TAF15: variants seen among roughly 807,000 people sequenced by gnomAD.
TAF15 encodes the protein TATA-binding protein-associated factor 2N.
TAF15 carries 37 observed loss-of-function variants against 102.5 expected under a neutral mutation model. The ratio of observed to expected loss-of-function variants is 0.36; its 90% CI spans 0.28 to 0.47. The LOEUF (loss-of-function observed/expected upper bound fraction) is 0.47. TAF15 is among the 20% of genes least tolerant of loss of function. The pLI, the probability that TAF15 is intolerant of heterozygous loss-of-function variation, is 0.99. For synonymous variants in TAF15, 273 were observed against 259.2 expected (o/e 1.05, Z -0.51); for missense variants, 652 against 760.7 (o/e 0.86, Z 1.68).
rs548382125 is a variant in TAF15 at position 35,816,001 on chromosome 17, G to T, written c.8-1715G>T. Among the ~76,000 whole-genome samples, 5 of 151,964 alleles carry T rather than the reference G, an allele frequency of 3.3e-5. No individual in the cohort carries two copies. In the South Asian group the frequency reaches 1.0e-3, roughly 32 times the overall value. ...TTTTGAGACAGGGTCTCATTCTGTCGCTAAAGCTGGAGTGCAGTGGTGCAA... is the reference window on the plus strand; with the variant it reads ...TTTTGAGACAGGGTCTCATTCTGTCTCTAAAGCTGGAGTGCAGTGGTGCAA... On this transcript the variant is annotated intron_variant, in intron 1 of 15. Coordinates refer to ENST00000605844, the MANE Select transcript of TAF15 (RefSeq NM_139215.3).
At chr17:35,842,516 C>A in intron 12 of TAF15, 57 bp downstream of exon 12, 1 of 1,357,826 alleles carries the variant, frequency 7.4e-7, no homozygotes, top group Non-Finnish European at 1.1e-6. Context: ...AGTTTGAGTT[C>A]ATACTCTGTT....
intron 15 of TAF15, among the ~76,000 whole-genome samples, chr17:35,845,373 G>C (rs1212444639): frequency 6.6e-6 from 1 of 152,086 alleles, no homozygotes; most frequent in Non-Finnish European, 1.5e-5. Flanking sequence ...TCCTGCCTCA[G>C]TCTCCCAAGT....
At chr17:35,820,470 G>A (rs779114761) in intron 5 of TAF15, 33 bp downstream of exon 5, 4 of 1,591,938 alleles carry the variant, frequency 2.5e-6, no homozygotes, top group Admixed American at 1.7e-5. Flanking sequence ...AGATTGTTTT[G>A]GGCAGTGGAA....
chr17:35,820,900 ATAAATT>A (rs1318702766), intron 5 of TAF15, among the ~76,000 whole-genome samples: 1 of 152,182 alleles, frequency 6.6e-6, no homozygotes, highest in African/African-American at 2.4e-5. Context: ...ATATTTACTG[ATAAATT>A]TCAGGTTTTA....
At chr17:35,843,849 C>G (rs1486532101) in intron 12 of TAF15, among the ~76,000 whole-genome samples, 3 of 152,164 alleles carry the variant, frequency 2.0e-5, no homozygotes, top group African/African-American at 7.2e-5. Flanking sequence ...TTGAAGTTTT[C>G]TAGTGCATTA....
chr17:35,824,851 T>TAA (rs2087306762), intron 7 of TAF15, among the ~76,000 whole-genome samples: 1 of 152,200 alleles, frequency 6.6e-6, no homozygotes, highest in Admixed American at 6.5e-5. Context: ...TTTATTTACT[T>TAA]ACAGCATATG....
At chr17:35,826,846 C>CCA (rs1268065682) in intron 7 of TAF15, among the ~76,000 whole-genome samples, 1 of 150,894 alleles carries the variant, frequency 6.6e-6, no homozygotes, top group Non-Finnish European at 1.5e-5. Flanking sequence ...GTGTGAGCCA[C>CCA]CACGCCTGGC....
intron 10 of TAF15, among the ~76,000 whole-genome samples, chr17:35,836,927 C>G (rs189108333): frequency 6.6e-6 from 1 of 151,852 alleles, no homozygotes; most frequent in South Asian, 2.1e-4. Context: ...ACAGGCGCTA[C>G]CACGCCCAGC....
chr17:35,842,154 TAGTA>T (rs918445541), intron 11 of TAF15, among the ~76,000 whole-genome samples: 5 of 152,064 alleles, frequency 3.3e-5, no homozygotes, highest in Non-Finnish European at 4.4e-5. Context: ...TTTTTAAGCT[TAGTA>T]AGAAGTGACT....
chr17:35,823,830 G>A (rs1222821653), intron 6 of TAF15: 1 of 560,500 alleles, frequency 1.8e-6, no homozygotes, highest in Admixed American at 2.9e-5. Context: ...TGTCACTTTA[G>A]CAGAATGGAA....
At chr17:35,836,100 T>C in intron 9 of TAF15, 32 bp from the exon 10 acceptor site, 6 of 1,413,168 alleles carry the variant, frequency 4.2e-6, no homozygotes, top group East Asian at 4.6e-5. Flanking sequence ...CCAAGGAATA[T>C]GTAAAATTAA....
At chr17:35,824,508 A>G (rs143519554) in intron 7 of TAF15, among the ~76,000 whole-genome samples, 4 of 152,316 alleles carry the variant, frequency 2.6e-5, no homozygotes, top group African/African-American at 9.6e-5. Flanking sequence ...AACTCCTTTA[A>G]AAGACGACTC....
chr17:35,832,549 T>TC (rs1568266972), intron 7 of TAF15, among the ~76,000 whole-genome samples: 6 of 151,970 alleles, frequency 3.9e-5, no homozygotes, highest in Non-Finnish European at 8.8e-5. Flanking sequence ...TGAGGGTTCC[T>TC]CCCCCCACCC....
At chr17:35,818,630 A>C (rs1260654934) in intron 2 of TAF15, 1 of 152,138 alleles carries the variant, frequency 6.6e-6, no homozygotes, top group Non-Finnish European at 1.5e-5. Flanking sequence ...TAATATAGCG[A>C]GACCTTGTCT....
intron 1 of TAF15, among the ~76,000 whole-genome samples, chr17:35,812,645 A>ATAAGGAATT (rs1568239154): frequency 6.6e-6 from 1 of 151,728 alleles, no homozygotes; most frequent in Non-Finnish European, 1.5e-5. Context: ...CATGGTTTAG[A>ATAAGGAATT]TCACAAGGAA....
intron 6 of TAF15, chr17:35,823,726 AAAG>A: frequency 3.5e-6 from 1 of 284,338 alleles, no homozygotes; most frequent in Non-Finnish European, 6.8e-6. Context: ...AAAAAAAAAA[AAAG>A]ATTGGGGTCG....
chr17:35,813,269 G>T (rs2087148753), intron 1 of TAF15, among the ~76,000 whole-genome samples: 1 of 152,192 alleles, frequency 6.6e-6, no homozygotes, highest in South Asian at 2.1e-4. Context: ...AGATATGATG[G>T]ATGTGACTTA....
In TAF15 at chr17:35,810,088, C is replaced by T. The variant is rs192734394; in HGVS notation, c.7+512C>T. On this transcript the variant is annotated intron_variant, in intron 1 of 15. Transcript: ENST00000605844. Reference sequence around the variant, plus strand: ...GGTGGGGGCCTTGACGCTCTGGGAGCCCTTTCAAAGGACGTTGCCTTACAC... The same window carrying T: ...GGTGGGGGCCTTGACGCTCTGGGAGTCCTTTCAAAGGACGTTGCCTTACAC... The T allele has an allele frequency of 1.9e-5, 4 of 214,398 alleles. No individual in the cohort carries two copies. The East Asian group carries it at 4.8e-4, about 26-fold the overall frequency. 13.3% of individuals were successfully genotyped at this position (214,398 alleles called of 1,614,324 possible).
intron 8 of TAF15, 106 bp downstream of exon 8, chr17:35,834,047 G>T (rs2087439653): frequency 1.7e-6 from 2 of 1,169,032 alleles, no homozygotes; most frequent in East Asian, 2.4e-5. Flanking sequence ...CTCTGTTGAG[G>T]CTGGTGTGTG....
Sources: gnomAD v4.1 joint callset for allele counts (sites outside exome capture counted in the v4.1 genomes callset) on GRCh38, gnomAD v4.1.1 for gene constraint, MANE v1.5 for transcripts, NCBI Gene and HGNC (gene_info 2026-07-23, HGNC 2026-07-21) for gene names.